The following RNLS variants were observed in gnomAD, a reference collection of about 807,000 sequenced individuals.
The protein encoded by RNLS is renalase.
In RNLS, 39 loss-of-function variants were observed where a neutral mutation model predicts 39.8. The observed-to-expected ratio is 0.98, with a 90% CI of 0.76 to 1.28. The LOEUF is 1.28. Ranked by LOEUF, RNLS falls within the 50% of genes most tolerant of loss-of-function variation. The pLI is 0.00. For missense variants in RNLS, 410 were observed against 413.3 expected, an observed-to-expected ratio of 0.99 and a Z score of 0.07; for synonymous variants, 147 against 150.7, an observed-to-expected ratio of 0.98 and a Z score of 0.18.
chr10:88,193,144 T>TC, the RNLS span, among the ~76,000 whole-genome samples: 13 of 152,250 alleles, frequency 8.5e-5, no homozygotes, highest in East Asian at 2.5e-3. Context: ...CTCTTACCTG[T>TC]CACCCACAAC....
intron 4 of RNLS, among the ~76,000 whole-genome samples, chr10:88,542,188 G>C (rs1848081976): frequency 6.6e-6 from 1 of 152,070 alleles, no homozygotes; most frequent in Admixed American, 6.6e-5. Context: ...CTAAATCGTT[G>C]AACCTCACAT....
intron 4 of RNLS, among the ~76,000 whole-genome samples, chr10:88,451,810 G>A (rs540089220): frequency 1.3e-5 from 2 of 148,388 alleles, no homozygotes; most frequent in East Asian, 4.0e-4. Context: ...ATCACAGAAT[G>A]ATCTACACCC....
At chr10:88,554,504 C>A (rs1848755889) in intron 4 of RNLS, among the ~76,000 whole-genome samples, 1 of 152,110 alleles carries the variant, frequency 6.6e-6, no homozygotes, top group South Asian at 2.1e-4. Context: ...AATTCACCCC[C>A]ACTACATGAC....
At chr10:88,547,671 G>A (rs1222225660) in intron 4 of RNLS, among the ~76,000 whole-genome samples, 1 of 152,118 alleles carries the variant, frequency 6.6e-6, no homozygotes, top group Non-Finnish European at 1.5e-5. Flanking sequence ...CAAGTGAATT[G>A]TTCAAAAGTT....
At chr10:88,368,332 A>C (rs1850279414) in intron 4 of RNLS, among the ~76,000 whole-genome samples, 1 of 152,124 alleles carries the variant, frequency 6.6e-6, no homozygotes, top group Non-Finnish European at 1.5e-5. Context: ...GATTGTAAGC[A>C]ACTTGAGGCA....
chr10:88,314,685 G>A, intron 5 of RNLS, 44 bp from the exon 6 acceptor site: 3 of 1,548,114 alleles, frequency 1.9e-6, no homozygotes, highest in Non-Finnish European at 2.6e-6. Context: ...AAAGTGGGTA[G>A]CAGGCAAGCA....
chr10:88,397,530 A>C (rs556958506), intron 4 of RNLS, among the ~76,000 whole-genome samples: 7 of 152,086 alleles, frequency 4.6e-5, no homozygotes, highest in African/African-American at 1.7e-4. Context: ...AAAGATCTTA[A>C]ATCAATAATC....
At chr10:88,257,043 C>CA in the RNLS span, among the ~76,000 whole-genome samples, 455 of 146,462 alleles carry the variant, frequency 3.1e-3, no homozygotes, top group Admixed American at 8.3e-3. Flanking sequence ...TGTGTTGTGC[C>CA]AAAAAAAAAA....
intron 4 of RNLS, among the ~76,000 whole-genome samples, chr10:88,471,726 T>A (rs1328700289): frequency 2.0e-5 from 3 of 152,106 alleles, no homozygotes; most frequent in African/African-American, 7.2e-5. Flanking sequence ...TGTTTGGAAG[T>A]CCAGAAGAAA....
At chr10:88,314,352 G>A (rs1803050313) in intron 6 of RNLS, 114 bp downstream of exon 6, 2 of 1,096,858 alleles carry the variant, frequency 1.8e-6, no homozygotes, top group African/African-American at 3.2e-5. Context: ...TTTGCTCCAA[G>A]GATCACATAG....
chr10:88,522,808 T>C (rs191115157), intron 4 of RNLS, among the ~76,000 whole-genome samples: 19 of 152,164 alleles, frequency 1.2e-4, no homozygotes, highest in African/African-American at 4.6e-4. Context: ...GAAAAGCAAA[T>C]AACAATCTTC....
At chr10:88,268,727 C>G in the RNLS span, among the ~76,000 whole-genome samples, 4 of 152,230 alleles carry the variant, frequency 2.6e-5, no homozygotes, top group African/African-American at 9.6e-5. Context: ...CAGCTCTAGA[C>G]TTGCCCCACA....
the RNLS span, among the ~76,000 whole-genome samples, chr10:88,239,697 C>A: frequency 1.3e-5 from 2 of 152,200 alleles, no homozygotes; most frequent in Non-Finnish European, 2.9e-5. Flanking sequence ...AATGTTTAAC[C>A]AATAACTTTC....
At chr10:88,273,737 A>G (rs1203125007), downstream of RNLS, 1 of 152,208 alleles carries the variant, frequency 6.6e-6, no homozygotes, top group Admixed American at 6.5e-5. Context: ...TTTAAAAAAC[A>G]CTTGATACAT....
chr10:88,523,233 T>C (rs901153482), intron 4 of RNLS, among the ~76,000 whole-genome samples: 6 of 152,074 alleles, frequency 3.9e-5, no homozygotes, highest in Non-Finnish European at 7.4e-5. Context: ...ATAAAAACGG[T>C]TTCCTTAAAT....
At chr10:88,227,277 A>G in the RNLS span, among the ~76,000 whole-genome samples, 1 of 152,226 alleles carries the variant, frequency 6.6e-6, no homozygotes, top group Non-Finnish European at 1.5e-5. Context: ...GAGAGTAGAT[A>G]CTGGTTTTAA....
the RNLS span, among the ~76,000 whole-genome samples, chr10:88,256,977 G>T: frequency 3.9e-5 from 6 of 151,904 alleles, no homozygotes; most frequent in Admixed American, 3.3e-4. Flanking sequence ...AGACTAAAAT[G>T]GATTTGTTTA....
intron 4 of RNLS, among the ~76,000 whole-genome samples, chr10:88,487,834 G>A (rs1294685817): frequency 2.6e-5 from 4 of 151,996 alleles, no homozygotes; most frequent in South Asian, 2.1e-4. Flanking sequence ...AAATTTTCAC[G>A]AACAGATGAA....
chr10:88,581,495 T>C, intron 3 of RNLS, 72 bp downstream of exon 3: 2 of 1,325,602 alleles, frequency 1.5e-6, no homozygotes, highest in Non-Finnish European at 2.1e-6. Context: ...ATAGTATTAA[T>C]ATGTAACTAT....
Sources: allele counts gnomAD v4.1 joint callset (sites outside exome capture counted in the v4.1 genomes callset), GRCh38; gene constraint gnomAD v4.1.1; transcripts MANE v1.5; gene names NCBI Gene and HGNC (gene_info 2026-07-23, HGNC 2026-07-21).